GRAP: variants seen among roughly 807,000 people sequenced by gnomAD.
GRAP encodes the protein GRB2-related adapter protein.
GRAP carries 2 observed loss-of-function variants against 9.1 expected under a neutral mutation model. The observed-to-expected ratio is 0.22, with a 90% CI of 0.09 to 0.69. The LOEUF (loss-of-function observed/expected upper bound fraction) is 0.69, where lower values mean the gene tolerates loss of function less well. Among genes scored for constraint, GRAP ranks in the 30% least tolerant of loss-of-function variants. The pLI is 0.81. For synonymous variants in GRAP, 68 were observed against 73.6 expected, an observed-to-expected ratio of 0.92 and a Z score of 0.39; for missense variants, 113 against 179.4, an observed-to-expected ratio of 0.63 and a Z score of 2.12.
chr17:19,022,263 G>C (rs1427553002), intron 4 of GRAP, 119 bp from the exon 5 acceptor site: 1 of 547,038 alleles, frequency 1.8e-6, no homozygotes, highest in Non-Finnish European at 3.2e-6. Flanking sequence ...GGCAGCACCG[G>C]AGTTGAACTT....
chr17:19,022,203 C>A, intron 4 of GRAP, 59 bp from the exon 5 acceptor site: 1 of 953,278 alleles, frequency 1.0e-6, no homozygotes, highest in South Asian at 2.0e-5. Context: ...CCCACCCTCC[C>A]TCAGAGGCAC....
chr17:19,030,208 C>T (rs551349500), intron 3 of GRAP, among the ~76,000 whole-genome samples: 5 of 132,938 alleles, frequency 3.8e-5, no homozygotes, highest in East Asian at 4.6e-4. Flanking sequence ...TCCTGCCCAG[C>T]GAGTTTTTCT....
chr17:19,048,060 G>A (rs1174766148), upstream of GRAP, among the ~76,000 whole-genome samples: 2 of 83,690 alleles, frequency 2.4e-5, no homozygotes, highest in Non-Finnish European at 5.1e-5. Flanking sequence ...TTTTCACCAT[G>A]TTACCAAGGC....
chr17:19,050,822 TG>T (rs1369936167), upstream of GRAP, among the ~76,000 whole-genome samples: 1 of 152,078 alleles, frequency 6.6e-6, no homozygotes, highest in African/African-American at 2.4e-5. Flanking sequence ...TTGCTTTTGT[TG>T]CCTGAACTAG....
Position 19,024,145 on chromosome 17 carries a change from G to A in GRAP, c.468+70C>T. The stretch of plus-strand genomic sequence containing the variant: ...AGGCCCGTGCTTGGCCTCAGTGTCA[G>A]CATCTCCCCTGCTGCAGATGGCAGG... On this transcript the variant is annotated intron_variant, in intron 4 of 4. Coordinates refer to ENST00000284154, the MANE Select transcript of GRAP (RefSeq NM_006613.4). The surrounding 1 kb of genome is among the most constrained non-coding windows in gnomAD (Gnocchi z 4.2). The A allele has an allele frequency of 6.9e-7, 1 of 1,448,038 alleles. No individual in the cohort carries two copies. The highest frequency in any genetic ancestry group is 1.2e-5 in the South Asian group (1 of 80,054). 89.7% of individuals were successfully genotyped at this position (1,448,038 alleles called of 1,614,324 possible). A position where few individuals can be genotyped will look rare whatever the true frequency, so the allele number is the denominator to read the frequency against.
At chr17:19,043,976 A>T in intron 1 of GRAP, among the ~76,000 whole-genome samples, 1 of 106,648 alleles carries the variant, frequency 9.4e-6, no homozygotes, top group African/African-American at 3.2e-5. Flanking sequence ...TCTTTTTGAG[A>T]TGGAGTCTCA....
chr17:19,050,793 A>AT (rs1418430665), upstream of GRAP, among the ~76,000 whole-genome samples: 1 of 151,292 alleles, frequency 6.6e-6, no homozygotes, highest in Non-Finnish European at 1.5e-5. Flanking sequence ...CTGAAAAAAA[A>AT]TTTTTTTGAG....
At position 19,020,720 on chromosome 17, in the gene GRAP, A is replaced by G. The variant is rs534084558; in HGVS notation, c.*1239T>C. On this transcript the variant is annotated 3_prime_UTR_variant, in exon 5 of 5. Coordinates refer to ENST00000284154, the MANE Select transcript of GRAP (RefSeq NM_006613.4). ...TGGTTTTACTGTTTTCGTTTTGAAT[A>G]CACAGGCTGGGTCAGGAGCAGTGAG... is the stretch of plus-strand genomic sequence containing the variant. The G allele has an allele frequency of 4.6e-6, 2 of 438,342 alleles. No individual in the cohort carries two copies. The highest frequency in any genetic ancestry group is 4.6e-5 in the South Asian group (2 of 43,258). 27.2% of individuals were successfully genotyped at this position (438,342 alleles called of 1,614,324 possible). A position where few individuals can be genotyped will look rare whatever the true frequency, so the allele number is the denominator to read the frequency against.
At chr17:19,022,402 G>T (rs1450539950) in intron 4 of GRAP, 1 of 380,332 alleles carries the variant, frequency 2.6e-6, no homozygotes. Flanking sequence ...CAATAGGGCT[G>T]GTGGGTCAGG....
Position 19,021,708 on chromosome 17 carries a change from T to G in GRAP, c.*251A>C. ...CCTCCACAGACTCCGCCCTGTGGTG[T>G]CACACAGCTGGCAGCCAATGGAAAG... On this transcript the variant is annotated 3_prime_UTR_variant, in exon 5 of 5. Transcript: ENST00000284154. This position sits in a 1 kb window ranked among gnomAD's most constrained non-coding sequence, Gnocchi z 4.1. 1 of 404,710 alleles carries G rather than the reference T, an allele frequency of 2.5e-6. No homozygotes were observed. The highest frequency in any genetic ancestry group is 4.3e-6 in the Non-Finnish European group (1 of 230,182). The allele number at this position is 404,710 out of a possible 1,614,324, so 25.1% of individuals were successfully genotyped here.
chr17:19,022,074 C>T lies in GRAP; in HGVS notation c.539G>A (p.Arg180His), dbSNP rs138402616. The T allele has an allele frequency of 1.5e-4, 231 of 1,591,602 alleles. No individual in the cohort carries two copies. The highest frequency in any genetic ancestry group is 1.0e-3 in the Middle Eastern group (6 of 6,016). ...SAQDPSQLSF[R>H]RGDIIEVLER... is the part of the protein sequence containing the mutation. ...CAGGACCTCAATGATGTCGCCACGG[C>T]GGAAGCTGAGCTGCGAGGGGTCCTG... The change falls in exon 5 of 5, where the codon CGC becomes CAC. Residue 180 changes from arginine (R) to histidine (H), a missense_variant. Arg to His is a conservative substitution (Grantham distance 29). Transcript: ENST00000284154.
rs776285201 is a variant in GRAP at position 19,027,484 on chromosome 17, G to GCACACACA, written c.300-3109_300-3102dup. Among the ~76,000 whole-genome samples, 370 of 121,168 alleles carry GCACACACA rather than the reference G, an allele frequency of 3.1e-3. 6 individuals carry two copies. The highest frequency in any genetic ancestry group is 4.5e-3 in the African/African-American group (146 of 32,204). 79.5% of individuals were successfully genotyped at this position (121,168 alleles called of 152,430 possible). On this transcript the variant is annotated intron_variant, in intron 3 of 4. Coordinates refer to ENST00000284154, the MANE Select transcript of GRAP (RefSeq NM_006613.4). ...ATGGGACACATGCGCGCGCGCGCGCGCACACACACACACACACACACACAC... is the reference window on the plus strand; with the variant it reads ...ATGGGACACATGCGCGCGCGCGCGCGCACACACACACACACACACACACACACACACAC...
At position 19,024,381 on chromosome 17, in the gene GRAP, T is replaced by C. The variant is rs746010122; in HGVS notation, c.302A>G (p.Tyr101Cys). The change falls in exon 4 of 5, where the codon TAT becomes TGT. Residue 101 changes from tyrosine (Y) to cysteine (C), a missense_variant and splice_region_variant. By Grantham distance (194) the Tyr-to-Cys change is radical (BLOSUM62 -2). Transcript: ENST00000284154. This position sits in a 1 kb window ranked among gnomAD's most constrained non-coding sequence, Gnocchi z 4.2. The stretch of plus-strand genomic sequence containing the variant: ...CTTGAAGTGCTGCACCTGGTCTCCA[T>C]AGCTAGGGGAAAGGACCCGGGGCCA... ...SPGEFSVSVN[Y>C]GDQVQHFKVL... 1.1e-5 allele frequency: 17 copies of C among 1,610,752 alleles called. No individual in the cohort carries two copies. The South Asian group carries it at 1.8e-4, about 17-fold the overall frequency.
In GRAP at chr17:19,021,976, G is replaced by A. The variant is rs2044271616; in HGVS notation, c.637C>T (p.Gln213Ter). 6.4e-7 allele frequency: 1 copy of A among 1,571,638 alleles called. No individual in the cohort carries two copies. Among genetic ancestry groups the A allele is most frequent in the Non-Finnish European group, 8.6e-7 (1 of 1,160,406 alleles). ...CGGGCTGCTCACAGGTGCACGGGCT[G>A]CACGTAACTCCGTGGGAAGAAGCCA... ...RVGFFPRSYV[Q>*]PVHL Residue 213 changes from glutamine to a stop codon, truncating the protein, a stop_gained, in exon 5 of 5, where the codon CAG becomes TAG. Coordinates refer to ENST00000284154, the MANE Select transcript of GRAP (RefSeq NM_006613.4). LOFTEE classifies it high-confidence loss of function. The surrounding 1 kb of genome is among the most constrained non-coding windows in gnomAD (Gnocchi z 4.1).
rs374106144 is a variant in GRAP, at chr17:19,024,400, G to A, written c.300-17C>T. 14 of 1,606,580 alleles carry A rather than the reference G, an allele frequency of 8.7e-6. No homozygotes were observed. Among genetic ancestry groups the A allele is most frequent in the African/African-American group, 8.0e-5 (6 of 74,730 alleles). The stretch of plus-strand genomic sequence containing the variant: ...TCTCCATAGCTAGGGGAAAGGACCC[G>A]GGGCCACCTCAGGTGGTGGCCGTCC... On this transcript the variant is annotated splice_polypyrimidine_tract_variant and intron_variant, in intron 3 of 4. Coordinates refer to ENST00000284154, the MANE Select transcript of GRAP (RefSeq NM_006613.4). This position sits in a 1 kb window ranked among gnomAD's most constrained non-coding sequence, Gnocchi z 4.2.
At chr17:19,030,511 G>A (rs1357763956) in intron 3 of GRAP, 15 of 102,202 alleles carry the variant, frequency 1.5e-4, no homozygotes, top group Non-Finnish European at 2.5e-4. Flanking sequence ...CTGAGCTTGG[G>A]AGGGGCAGGA....
rs1308523362 is a variant in GRAP, at chr17:19,021,693, C to T, written c.*266G>A. On this transcript the variant is annotated 3_prime_UTR_variant, in exon 5 of 5. Transcript: ENST00000284154. The surrounding 1 kb of genome is among the most constrained non-coding windows in gnomAD (Gnocchi z 4.1). ...AGGAGGTGGGCGGGGCCTCCACAGA[C>T]TCCGCCCTGTGGTGTCACACAGCTG... The T allele has an allele frequency of 5.0e-6, 2 of 400,800 alleles. No individual in the cohort carries two copies. The highest frequency in any genetic ancestry group is 4.1e-5 in the African/African-American group (2 of 48,614). 24.8% of individuals were successfully genotyped at this position (400,800 alleles called of 1,614,324 possible). A position where few individuals can be genotyped will look rare whatever the true frequency, so the allele number is the denominator to read the frequency against.
intron 4 of GRAP, among the ~76,000 whole-genome samples, chr17:19,022,805 C>T (rs1302719230): frequency 6.6e-6 from 1 of 152,196 alleles, no homozygotes; most frequent in African/African-American, 2.4e-5. Context: ...CCTGCCTGCC[C>T]ACCAAGATCT....
At chr17:19,023,776 A>C (rs1030244786) in intron 4 of GRAP, among the ~76,000 whole-genome samples, 1 of 151,282 alleles carries the variant, frequency 6.6e-6, no homozygotes, top group African/African-American at 2.4e-5. Context: ...GAGTCACTGC[A>C]CTCTCTGAGC....
Sources: allele counts gnomAD v4.1 joint callset (sites outside exome capture counted in the v4.1 genomes callset), GRCh38; gene constraint gnomAD v4.1.1; non-coding constraint Gnocchi (gnomAD v3.1); transcripts MANE v1.5; gene names NCBI Gene and HGNC (gene_info 2026-07-23, HGNC 2026-07-21).